The following CNTNAP2 variants were observed in gnomAD, a reference collection of about 807,000 sequenced individuals.
The protein encoded by CNTNAP2 is contactin-associated protein-like 2.
Under a neutral mutation model 155.2 loss-of-function variants are expected in CNTNAP2, and 98 were observed. That is an observed-to-expected ratio of 0.63 (90% CI 0.54 to 0.75). CNTNAP2 has a LOEUF of 0.75. Among genes scored for constraint, CNTNAP2 ranks in the 30% least tolerant of loss-of-function variants. The pLI, the probability that CNTNAP2 is intolerant of heterozygous loss-of-function variation, is 0.00. For missense variants in CNTNAP2, 1,727 were observed against 1,688.1 expected, an observed-to-expected ratio of 1.02 and a Z score of -0.40; for synonymous variants, 651 against 631.2, an observed-to-expected ratio of 1.03 and a Z score of -0.47.
chr7:146,750,817 G>T (rs1801890361), intron 1 of CNTNAP2, among the ~76,000 whole-genome samples: 1 of 152,044 alleles, frequency 6.6e-6, no homozygotes, highest in Non-Finnish European at 1.5e-5. Flanking sequence ...TATAACTGGA[G>T]AAATTAAATA....
chr7:147,618,772 G>GT (rs1330286963), intron 12 of CNTNAP2, among the ~76,000 whole-genome samples: 1 of 151,228 alleles, frequency 6.6e-6, no homozygotes, highest in African/African-American at 2.4e-5. Flanking sequence ...GGAAGGAATT[G>GT]TTTTTTGCTT....
chr7:147,029,590 A>T lies in CNTNAP2; in HGVS notation c.403-14317A>T, dbSNP rs1284094295. ...CCCAGGAAAGATGAAATCCAAATAT[A>T]TTGGAAAAAATGGCTTCTGTAGACC... On this transcript the variant is annotated intron_variant, in intron 3 of 23. Coordinates refer to ENST00000361727, the MANE Select transcript of CNTNAP2 (RefSeq NM_014141.6). 2.0e-5 allele frequency among the ~76,000 whole-genome samples: 3 copies of T among 151,844 alleles called. No individual in the cohort carries two copies. The East Asian group carries it at 5.8e-4, about 29-fold the overall frequency.
rs60109355 is a variant in CNTNAP2, at chr7:148,323,294, CTTTTTTTTTTT to C, written c.3475+56186_3475+56196del. 2.0e-4 allele frequency among the ~76,000 whole-genome samples: 10 copies of C among 49,464 alleles called. No individual in the cohort carries two copies. The South Asian group carries it at 3.3e-3, about 16-fold the overall frequency. The allele number at this position is 49,464 out of a possible 152,430, so 32.5% of individuals were successfully genotyped here. On this transcript the variant is annotated intron_variant, in intron 21 of 23. Coordinates refer to ENST00000361727, the MANE Select transcript of CNTNAP2 (RefSeq NM_014141.6). ...CATATGGCTTCCCAATTATGGATTT[CTTTTTTTTTTT>C]TTTTTTTTTTTTTTTTTCAGATTGT...
intron 1 of CNTNAP2, among the ~76,000 whole-genome samples, chr7:146,703,575 G>C (rs1800913642): frequency 6.6e-6 from 1 of 152,092 alleles, no homozygotes. Flanking sequence ...CATGGTTCTG[G>C]AGGCCAGGAA....
chr7:146,825,940 C>T (rs1803391933), intron 2 of CNTNAP2, among the ~76,000 whole-genome samples: 1 of 152,110 alleles, frequency 6.6e-6, no homozygotes, highest in Admixed American at 6.6e-5. Flanking sequence ...TGTTTTGCAT[C>T]TATTTGTATA....
chr7:147,402,495 T>C (rs1240141861), intron 10 of CNTNAP2, among the ~76,000 whole-genome samples: 1 of 152,158 alleles, frequency 6.6e-6, no homozygotes, highest in East Asian at 1.9e-4. Context: ...TCCCATTTGG[T>C]TTTAGCATTG....
chr7:146,117,280 G>A (rs1389916103), intron 1 of CNTNAP2: 4 of 362,682 alleles, frequency 1.1e-5, no homozygotes, highest in Non-Finnish European at 1.5e-5. Context: ...GTTTGTGCAG[G>A]GAGAGTTAAC....
At chr7:148,123,594 G>A (rs1184907917) in intron 16 of CNTNAP2, among the ~76,000 whole-genome samples, 1 of 150,372 alleles carries the variant, frequency 6.7e-6, no homozygotes, top group Non-Finnish European at 1.5e-5. Flanking sequence ...GCGAGACCTC[G>A]AGGAAGGGAG....
intron 5 of CNTNAP2, among the ~76,000 whole-genome samples, chr7:147,119,904 A>G (rs1162404523): frequency 6.6e-6 from 1 of 152,216 alleles, no homozygotes; most frequent in Non-Finnish European, 1.5e-5. Flanking sequence ...GCCTGACCAT[A>G]AAAAGCAATT....
At chr7:146,264,783 C>T (rs916119334) in intron 1 of CNTNAP2, among the ~76,000 whole-genome samples, 5 of 152,130 alleles carry the variant, frequency 3.3e-5, no homozygotes, top group South Asian at 2.1e-4. Flanking sequence ...AGAGGCAGAT[C>T]GTTGTGGAAG....
intron 1 of CNTNAP2, among the ~76,000 whole-genome samples, chr7:146,176,251 T>C (rs956138313): frequency 2.6e-5 from 4 of 152,216 alleles, no homozygotes; most frequent in African/African-American, 9.7e-5. Flanking sequence ...TGAAGACTCA[T>C]GTTTGATAAT....
At chr7:148,276,025 A>G (rs1052214632) in intron 21 of CNTNAP2, among the ~76,000 whole-genome samples, 1 of 152,126 alleles carries the variant, frequency 6.6e-6, no homozygotes, top group Non-Finnish European at 1.5e-5. Flanking sequence ...TGCAAGTGAT[A>G]AAAATGCTGC....
chr7:147,451,994 C>T (rs994428827), intron 10 of CNTNAP2, among the ~76,000 whole-genome samples: 1 of 152,184 alleles, frequency 6.6e-6, no homozygotes, highest in Non-Finnish European at 1.5e-5. Context: ...CTTGATCTTG[C>T]ACTTCTCAGA....
intron 1 of CNTNAP2, among the ~76,000 whole-genome samples, chr7:146,292,445 A>G (rs1202501790): frequency 6.6e-6 from 1 of 152,210 alleles, no homozygotes; most frequent in Non-Finnish European, 1.5e-5. Context: ...TAAAAATTTT[A>G]AAAAATGAGT....
chr7:147,641,405 G>T (rs1795276412), intron 13 of CNTNAP2, among the ~76,000 whole-genome samples: 1 of 152,174 alleles, frequency 6.6e-6, no homozygotes, highest in Non-Finnish European at 1.5e-5. Context: ...ACTTCATCCA[G>T]AGGGCCAGTA....
At chr7:147,239,101 T>C (rs1331302443) in intron 8 of CNTNAP2, among the ~76,000 whole-genome samples, 1 of 152,132 alleles carries the variant, frequency 6.6e-6, no homozygotes, top group Non-Finnish European at 1.5e-5. Flanking sequence ...GAAAGGAATG[T>C]TTTTAAGAAC....
At chr7:147,542,844 A>G (rs1019781131) in intron 11 of CNTNAP2, among the ~76,000 whole-genome samples, 10 of 152,350 alleles carry the variant, frequency 6.6e-5, no homozygotes, top group Admixed American at 6.5e-4. Flanking sequence ...CCCAGTGCCC[A>G]TGTTCAGACC....
At chr7:146,952,547 A>G (rs118171076) in intron 3 of CNTNAP2, among the ~76,000 whole-genome samples, 3,020 of 152,272 alleles carry the variant, frequency 0.02, 43 homozygotes, top group Middle Eastern at 0.044. Flanking sequence ...TCAGCCACAA[A>G]TCTCCTGAAG....
intron 22 of CNTNAP2, among the ~76,000 whole-genome samples, chr7:148,386,454 G>A (rs994996021): frequency 2.0e-5 from 3 of 151,834 alleles, no homozygotes; most frequent in African/African-American, 7.2e-5. Context: ...CTTGAACTTG[G>A]GAGGCAGAGG....
Sources: allele counts gnomAD v4.1 joint callset (sites outside exome capture counted in the v4.1 genomes callset), GRCh38; gene constraint gnomAD v4.1.1; transcripts MANE v1.5; gene names NCBI Gene and HGNC (gene_info 2026-07-23, HGNC 2026-07-21).